Variants in INPP4A observed in about 807,000 individuals in gnomAD.
INPP4A encodes the protein inositol polyphosphate-4-phosphatase type I A.
INPP4A carries 33 observed loss-of-function variants against 119.8 expected under a neutral mutation model. That is an observed-to-expected ratio of 0.28 (90% confidence interval 0.21 to 0.37). The LOEUF is 0.37. Among genes scored for constraint, INPP4A ranks in the 10% least tolerant of loss-of-function variants. The pLI, the probability that INPP4A is intolerant of heterozygous loss-of-function variation, is 1.00. For missense variants in INPP4A, 956 were observed against 1,289.9 expected (o/e 0.74, Z 3.97); for synonymous variants, 496 against 500.7 (o/e 0.99, Z 0.12).
chr2:98,484,369 G>C (rs1380775825), intron 1 of INPP4A, among the ~76,000 whole-genome samples: 1 of 152,114 alleles, frequency 6.6e-6, no homozygotes, highest in Non-Finnish European at 1.5e-5. Context: ...CAGGCTCACT[G>C]TATCTTTGTT....
intron 1 of INPP4A, among the ~76,000 whole-genome samples, chr2:98,469,287 A>G (rs1675471866): frequency 6.6e-6 from 1 of 152,090 alleles, no homozygotes; most frequent in Non-Finnish European, 1.5e-5. Context: ...TCACGAGGTC[A>G]GGAGTTCAAG....
At chr2:98,511,817 C>T (rs1196325533) in intron 1 of INPP4A, among the ~76,000 whole-genome samples, 3 of 152,212 alleles carry the variant, frequency 2.0e-5, no homozygotes, top group Non-Finnish European at 2.9e-5. Context: ...CTCCCCTCCC[C>T]CATGCCACCA....
At chr2:98,578,648 A>C (rs3769701) in intron 24 of INPP4A, among the ~76,000 whole-genome samples, 39,956 of 152,230 alleles carry the variant, frequency 0.26, 5,276 homozygotes, top group Middle Eastern at 0.35. Context: ...TGCCCCTAGC[A>C]CACTTGGGTT....
At chr2:98,467,544 G>A (rs1295882410) in intron 1 of INPP4A, among the ~76,000 whole-genome samples, 1 of 152,228 alleles carries the variant, frequency 6.6e-6, no homozygotes, top group Non-Finnish European at 1.5e-5. Flanking sequence ...AGTGAACCTA[G>A]CATCATCAGT....
rs1465209731 is a variant in INPP4A, at chr2:98,591,267, C to T, written c.*3659C>T. The T allele has an allele frequency of 1.2e-5, 2 of 168,568 alleles. No homozygotes were observed. Among genetic ancestry groups the T allele is most frequent in the Non-Finnish European group, 2.6e-5 (2 of 77,740 alleles). 10.4% of individuals were successfully genotyped at this position (168,568 alleles called of 1,614,324 possible). A position where few individuals can be genotyped will look rare whatever the true frequency, so the allele number is the denominator to read the frequency against. The stretch of plus-strand genomic sequence containing the variant: ...ACGAGGGGCTGGACTAAAGTGCTCA[C>T]TGGCACCTTGCTTGGTGCATGGGCC... On this transcript the variant is annotated 3_prime_UTR_variant, in exon 25 of 25. Coordinates refer to ENST00000409851, the MANE Select transcript of INPP4A (RefSeq NM_001134225.2).
chr2:98,459,530 C>G (rs1417717763), intron 1 of INPP4A, among the ~76,000 whole-genome samples: 2 of 152,154 alleles, frequency 1.3e-5, no homozygotes. Flanking sequence ...GGAGAAGTTG[C>G]TCAAGTGTTA....
chr2:98,473,656 C>A (rs991331635), intron 1 of INPP4A, among the ~76,000 whole-genome samples: 1 of 152,048 alleles, frequency 6.6e-6, no homozygotes, highest in African/African-American at 2.4e-5. Context: ...TCACCCGGGC[C>A]AGATGGTGAC....
chr2:98,525,088 C>G (rs369365500), intron 4 of INPP4A, among the ~76,000 whole-genome samples: 1 of 152,210 alleles, frequency 6.6e-6, no homozygotes, highest in Non-Finnish European at 1.5e-5. Flanking sequence ...CTATCTATTT[C>G]CTTGCTCATT....
intron 1 of INPP4A, among the ~76,000 whole-genome samples, chr2:98,514,549 G>A (rs1685750511): frequency 6.6e-6 from 1 of 152,046 alleles, no homozygotes; most frequent in African/African-American, 2.4e-5. Flanking sequence ...AGGGGAGAGA[G>A]GCTGAAGGTT....
At chr2:98,461,478 C>T (rs1697146389) in intron 1 of INPP4A, among the ~76,000 whole-genome samples, 1 of 152,224 alleles carries the variant, frequency 6.6e-6, no homozygotes, top group Non-Finnish European at 1.5e-5. Context: ...ACTAATGTCT[C>T]TTGGAGAGAC....
chr2:98,505,324 C>T (rs188270029), intron 1 of INPP4A, among the ~76,000 whole-genome samples: 46 of 152,318 alleles, frequency 3.0e-4, no homozygotes, highest in African/African-American at 1.1e-3. Context: ...GCCTTTGGGA[C>T]TGTTGTGTCT....
intron 18 of INPP4A, among the ~76,000 whole-genome samples, chr2:98,564,243 A>G (rs1575105464): frequency 1.3e-5 from 2 of 152,158 alleles, no homozygotes; most frequent in African/African-American, 2.4e-5. Context: ...TTGAGTGACC[A>G]TGTTGTCTCT....
intron 17 of INPP4A, 49 bp downstream of exon 17, chr2:98,559,544 C>A: frequency 6.3e-7 from 1 of 1,576,042 alleles, no homozygotes; most frequent in East Asian, 2.2e-5. Flanking sequence ...TTAATTGATA[C>A]TCAGGTAGTG....
chr2:98,502,376 T>A (rs994070706), intron 1 of INPP4A, among the ~76,000 whole-genome samples: 1 of 152,202 alleles, frequency 6.6e-6, no homozygotes, highest in Admixed American at 6.5e-5. Context: ...TGGGAATACT[T>A]CTAAAAAATG....
rs200422797 is a variant in INPP4A, at chr2:98,572,907, A to G, written c.2611A>G (p.Ile871Val). Residue 871 changes from isoleucine (I) to valine (V), a missense_variant, in exon 23 of 25, where the codon ATT (isoleucine) becomes GTT (valine). Physicochemically the swap from Ile to Val is conservative, Grantham distance 29. Transcript: ENST00000409851. ...VHARKNKNVD[I>V]LWQAAEICRR... ...TGCCCGGAAGAATAAGAACGTCGAC[A>G]TTCTCTGGCAAGCTGCTGAGGTACT... 2.5e-5 allele frequency: 39 copies of G among 1,573,818 alleles called. No homozygotes were observed. The highest frequency in any genetic ancestry group is 3.5e-5 in the South Asian group (3 of 85,200).
At chr2:98,474,962 C>T (rs1676899467) in intron 1 of INPP4A, among the ~76,000 whole-genome samples, 1 of 152,044 alleles carries the variant, frequency 6.6e-6, no homozygotes, top group South Asian at 2.1e-4. Flanking sequence ...TAAGGAGCTA[C>T]AGGAGACAAG....
At chr2:98,563,161 T>C (rs1202456000) in intron 17 of INPP4A, among the ~76,000 whole-genome samples, 3 of 152,156 alleles carry the variant, frequency 2.0e-5, no homozygotes, top group Non-Finnish European at 4.4e-5. Flanking sequence ...GAAGCTTCTT[T>C]GTTGTTTTCC....
At chr2:98,540,481 G>A (rs142083773) in intron 10 of INPP4A, among the ~76,000 whole-genome samples, 6 of 152,330 alleles carry the variant, frequency 3.9e-5, no homozygotes, top group Non-Finnish European at 5.9e-5. Context: ...GGCCCAGGCC[G>A]TGCATATTAT....
At chr2:98,552,081 GGAGGGA>G (rs781328438) in intron 13 of INPP4A, among the ~76,000 whole-genome samples, 2 of 152,192 alleles carry the variant, frequency 1.3e-5, no homozygotes, top group African/African-American at 2.4e-5. Flanking sequence ...GAGGTGGGAA[GGAGGGA>G]GAGCCAGGGT....
Sources: gnomAD v4.1 joint callset for allele counts (sites outside exome capture counted in the v4.1 genomes callset) on GRCh38, gnomAD v4.1.1 for gene constraint, MANE v1.5 for transcripts, NCBI Gene and HGNC (gene_info 2026-07-23, HGNC 2026-07-21) for gene names.